Variants in TADA2B observed in about 807,000 individuals in gnomAD.
TADA2B encodes the protein transcriptional adaptor 2B.
Under a neutral mutation model 34.5 loss-of-function variants are expected in TADA2B, and 13 were observed. That is an observed-to-expected ratio of 0.38 (90% confidence interval 0.25 to 0.60). The LOEUF (loss-of-function observed/expected upper bound fraction) is 0.60, where lower values mean the gene tolerates loss of function less well. Ranked by LOEUF, TADA2B falls within the 20% of genes least tolerant of loss-of-function variation. TADA2B has a pLI of 0.65. For synonymous variants in TADA2B, 240 were observed against 243.4 expected, an observed-to-expected ratio of 0.99 and a Z score of 0.13; for missense variants, 442 against 575.0, an observed-to-expected ratio of 0.77 and a Z score of 2.37.
In TADA2B at chr4:7,043,540, G is replaced by C. The variant is rs1723539739; in HGVS notation, c.-40G>C. The C allele has an allele frequency of 8.6e-7, 1 of 1,157,760 alleles. No homozygotes were observed. Among genetic ancestry groups the C allele is most frequent in the African/African-American group, 1.6e-5 (1 of 61,058 alleles). The allele number at this position is 1,157,760 out of a possible 1,614,324, so 71.7% of individuals were successfully genotyped here. A position where few individuals can be genotyped will look rare whatever the true frequency, so the allele number is the denominator to read the frequency against. The stretch of plus-strand genomic sequence containing the variant: ...GGGCGCTGACGGCCGGGGGCGCGGC[G>C]GCTGCGGCGGGCCGGGCGGCGGGCG... On this transcript the variant is annotated 5_prime_UTR_variant, in exon 1 of 2. Coordinates refer to ENST00000310074, the MANE Select transcript of TADA2B (RefSeq NM_152293.3).
At chr4:7,048,277 T>A (rs1363341443) in intron 1 of TADA2B, among the ~76,000 whole-genome samples, 3 of 151,378 alleles carry the variant, frequency 2.0e-5, no homozygotes, top group Non-Finnish European at 4.4e-5. Flanking sequence ...CCATTAAGGA[T>A]GGCGGGAGGG....
chr4:7,052,216 G>T (rs1370603322), intron 1 of TADA2B, among the ~76,000 whole-genome samples: 1 of 152,260 alleles, frequency 6.6e-6, no homozygotes, highest in African/African-American at 2.4e-5. Flanking sequence ...GGCCAAGGCC[G>T]GCTCTGCCCC....
At position 7,054,402 on chromosome 4, in the gene TADA2B, C is replaced by T. The variant is rs758668459; in HGVS notation, c.611C>T (p.Ala204Val). 2 of 1,613,412 alleles carry T rather than the reference C, an allele frequency of 1.2e-6. No homozygotes were observed. Among genetic ancestry groups the T allele is most frequent in the African/African-American group, 1.3e-5 (1 of 74,958 alleles). The change falls in exon 2 of 2, where the codon GCC becomes GTC. Residue 204 changes from alanine (A) to valine (V), a missense_variant. Transcript: ENST00000310074. ...GACGTGGAGATCGAGCTGAAGCGCG[C>T]CCACGTGGACATGTACGTGCGGAAG... ...DDDVEIELKR[A>V]HVDMYVRKLK...
At chr4:7,050,386 C>T (rs1227440638) in intron 1 of TADA2B, among the ~76,000 whole-genome samples, 1 of 152,268 alleles carries the variant, frequency 6.6e-6, no homozygotes, top group African/African-American at 2.4e-5. Flanking sequence ...CTCCCTTACA[C>T]CGAGCTCCCT....
At chr4:7,052,472 G>C (rs1723793753) in intron 1 of TADA2B, among the ~76,000 whole-genome samples, 1 of 152,226 alleles carries the variant, frequency 6.6e-6, no homozygotes, top group African/African-American at 2.4e-5. Context: ...TGAGTTCCTG[G>C]TGGCGTCTGC....
At chr4:7,048,225 C>T (rs1026145730) in intron 1 of TADA2B, among the ~76,000 whole-genome samples, 6 of 152,138 alleles carry the variant, frequency 3.9e-5, no homozygotes, top group Non-Finnish European at 8.8e-5. Context: ...TTACCTTCCC[C>T]GCCGGGGCAG....
At chr4:7,052,033 C>T (rs994420379) in intron 1 of TADA2B, among the ~76,000 whole-genome samples, 3 of 152,236 alleles carry the variant, frequency 2.0e-5, no homozygotes, top group South Asian at 2.1e-4. Context: ...GTAAGCAAGC[C>T]GGCACCACAG....
At chr4:7,048,499 A>G (rs1464110711) in intron 1 of TADA2B, among the ~76,000 whole-genome samples, 1 of 152,238 alleles carries the variant, frequency 6.6e-6, no homozygotes, top group East Asian at 1.9e-4. Context: ...CCCCACTTTA[A>G]GAACCACTGG....
chr4:7,043,909 T>A, intron 1 of TADA2B, 60 bp downstream of exon 1: 1 of 1,422,470 alleles, frequency 7.0e-7, no homozygotes, highest in Non-Finnish European at 9.2e-7. Context: ...GCGCCTCTCC[T>A]GTAATCGGGC....
chr4:7,054,298 G>A lies in TADA2B; in HGVS notation c.507G>A (p.Leu169=), dbSNP rs1723837909. The change falls in exon 2 of 2, where the codon CTG becomes CTA. Residue 169 remains leucine, a synonymous_variant. Coordinates refer to ENST00000310074, the MANE Select transcript of TADA2B (RefSeq NM_152293.3). ...AEQQQLGYMP[L]RDDYEIEYDQ... The stretch of plus-strand genomic sequence containing the variant: ...AGCAGCAGCTGGGCTACATGCCGCT[G>A]CGGGATGATTACGAGATCGAGTATG... The A allele has an allele frequency of 3.1e-6, 5 of 1,613,210 alleles. No homozygotes were observed. The highest frequency in any genetic ancestry group is 1.7e-5 in the Admixed American group (1 of 59,990).
chr4:7,052,151 A>C (rs1472984608), intron 1 of TADA2B, among the ~76,000 whole-genome samples: 11 of 152,252 alleles, frequency 7.2e-5, no homozygotes, highest in Admixed American at 7.2e-4. Context: ...TGTATGCAGC[A>C]GCCCCTCCGC....
Position 7,043,483 on chromosome 4 carries a change from C to T in TADA2B, c.-97C>T. 1 of 712,944 alleles carries T rather than the reference C, an allele frequency of 1.4e-6. No homozygotes were observed. Among genetic ancestry groups the T allele is most frequent in the Non-Finnish European group, 1.7e-6 (1 of 589,200 alleles). 44.2% of individuals were successfully genotyped at this position (712,944 alleles called of 1,614,324 possible). On this transcript the variant is annotated 5_prime_UTR_variant, in exon 1 of 2. Transcript: ENST00000310074. ...CGGCGGCGGGCGGCGGTTGCTCGTG[C>T]GCGGCGGCGGCGGCGGGTCCCGCGG...
chr4:7,045,145 A>C (rs1723594164), intron 1 of TADA2B: 1 of 152,344 alleles, frequency 6.6e-6, no homozygotes, highest in Non-Finnish European at 1.5e-5. Context: ...CAGGGAGCTT[A>C]AAGTGTGGTA....
intron 1 of TADA2B, among the ~76,000 whole-genome samples, chr4:7,047,889 G>A (rs1723673137): frequency 6.6e-6 from 1 of 152,214 alleles, no homozygotes; most frequent in African/African-American, 2.4e-5. Context: ...CCAGTGCCAG[G>A]CCCTGAGCAG....
At chr4:7,046,743 C>G (rs568632594) in intron 1 of TADA2B, among the ~76,000 whole-genome samples, 96 of 152,240 alleles carry the variant, frequency 6.3e-4, no homozygotes, top group Non-Finnish European at 1.0e-3. Flanking sequence ...AGTGATGTGA[C>G]GAAAGATGAG....
In TADA2B at chr4:7,048,476, G is replaced by A. The variant is rs562055406; in HGVS notation, c.270+4627G>A. ...ACAACCTCCTAGGTGCTGCTGATGC[G>A]GCCGCCGTGGGACCCCACTTTAAGA... is the stretch of plus-strand genomic sequence containing the variant. On this transcript the variant is annotated intron_variant, in intron 1 of 1. Transcript: ENST00000310074. Among the ~76,000 whole-genome samples the A allele has an allele frequency of 3.1e-3, 465 of 152,304 alleles. 2 individuals carry two copies. Among genetic ancestry groups the A allele is most frequent in the Non-Finnish European group, 5.4e-3 (366 of 68,018 alleles).
rs368691486 is a variant in TADA2B at position 7,054,574 on chromosome 4, G to T, written c.783G>T (p.Pro261=). Residue 261 remains proline (P), a synonymous_variant, in exon 2 of 2, where the codon CCG becomes CCT. Transcript: ENST00000310074. ...AGGAGCTGCGCCTGAAGCTGAGGCC[G>T]CTGTACCAGTTCATGTCATGCAAGG... ...EEKELRLKLR[P]LYQFMSCKEF... The T allele has an allele frequency of 1.2e-6, 2 of 1,613,896 alleles. No homozygotes were observed. The highest frequency in any genetic ancestry group is 1.7e-5 in the Admixed American group (1 of 60,032).
chr4:7,052,103 A>G (rs575894346), intron 1 of TADA2B, among the ~76,000 whole-genome samples: 9 of 152,216 alleles, frequency 5.9e-5, no homozygotes, highest in Non-Finnish European at 1.2e-4. Flanking sequence ...TGCAGCAGCC[A>G]TCGGAGCCTC....
intron 1 of TADA2B, among the ~76,000 whole-genome samples, chr4:7,047,681 C>T (rs953336541): frequency 6.6e-6 from 1 of 152,198 alleles, no homozygotes; most frequent in Non-Finnish European, 1.5e-5. Context: ...GGATGTCCTG[C>T]GGAGGGAAGG....
Sources: allele counts gnomAD v4.1 joint callset (sites outside exome capture counted in the v4.1 genomes callset), GRCh38; gene constraint gnomAD v4.1.1; transcripts MANE v1.5; gene names NCBI Gene and HGNC (gene_info 2026-07-23, HGNC 2026-07-21).